Variants in STXBP3 observed in about 807,000 individuals in gnomAD.
STXBP3 encodes the protein syntaxin binding protein 3, also known as syntaxin-binding protein 3.
In STXBP3, 41 loss-of-function variants were observed where a neutral mutation model predicts 85.7. The observed-to-expected ratio is 0.48, with a 90% CI of 0.37 to 0.62. The LOEUF (loss-of-function observed/expected upper bound fraction) is 0.62. Ranked by LOEUF, STXBP3 falls within the 20% of genes least tolerant of loss-of-function variation. STXBP3 has a pLI of 0.00. For synonymous variants in STXBP3, 229 were observed against 231.7 expected (o/e 0.99, Z 0.10); for missense variants, 563 against 703.1 (o/e 0.80, Z 2.25).
chr1:108,806,826 A>G (rs532525521), intron 17 of STXBP3, among the ~76,000 whole-genome samples: 44 of 151,748 alleles, frequency 2.9e-4, no homozygotes, highest in African/African-American at 1.0e-3. Flanking sequence ...ATAATAAGGG[A>G]GGTTGTTAGC....
At chr1:108,786,520 C>A (rs1261163447) in intron 11 of STXBP3, among the ~76,000 whole-genome samples, 4 of 152,176 alleles carry the variant, frequency 2.6e-5, no homozygotes, top group African/African-American at 9.7e-5. Context: ...TATCTGATTA[C>A]TCAAGCACTG....
At chr1:108,791,362 G>A (rs1662970832) in intron 11 of STXBP3, among the ~76,000 whole-genome samples, 1 of 152,072 alleles carries the variant, frequency 6.6e-6, no homozygotes, top group African/African-American at 2.4e-5. Context: ...GGTTTGCTGA[G>A]CTTCTTGAGT....
intron 11 of STXBP3, among the ~76,000 whole-genome samples, chr1:108,789,636 T>TCC (rs1662934837): frequency 6.6e-6 from 1 of 152,266 alleles, no homozygotes; most frequent in Non-Finnish European, 1.5e-5. Flanking sequence ...CCATGTGTTA[T>TCC]ATAGGGAATA....
intron 6 of STXBP3, among the ~76,000 whole-genome samples, chr1:108,761,704 G>A (rs1296709882): frequency 1.3e-5 from 2 of 152,102 alleles, no homozygotes; most frequent in Non-Finnish European, 2.9e-5. Context: ...TGGGCACAGT[G>A]GCTTACCCCT....
intron 12 of STXBP3, 139 bp from the exon 13 acceptor site, chr1:108,794,688 G>T: frequency 1.5e-6 from 1 of 656,644 alleles, no homozygotes. Context: ...TTCCTTTCTT[G>T]AGCTGTTCCC....
At chr1:108,757,703 G>A (rs1457485258) in intron 4 of STXBP3, among the ~76,000 whole-genome samples, 1 of 151,746 alleles carries the variant, frequency 6.6e-6, no homozygotes. Context: ...CAGCCTTTTT[G>A]GAAAATAGTT....
At chr1:108,767,944 C>T (rs370059137) in intron 6 of STXBP3, among the ~76,000 whole-genome samples, 4 of 152,044 alleles carry the variant, frequency 2.6e-5, no homozygotes, top group African/African-American at 4.8e-5. Flanking sequence ...GAATAATTTT[C>T]GTTTTTATCT....
At chr1:108,751,591 A>C (rs1661908024) in intron 1 of STXBP3, among the ~76,000 whole-genome samples, 1 of 152,116 alleles carries the variant, frequency 6.6e-6, no homozygotes, top group Non-Finnish European at 1.5e-5. Flanking sequence ...TTTTAAAATC[A>C]ATTGAACATT....
chr1:108,753,960 A>G (rs1661964612), intron 3 of STXBP3, among the ~76,000 whole-genome samples: 1 of 152,124 alleles, frequency 6.6e-6, no homozygotes, highest in African/African-American at 2.4e-5. Flanking sequence ...ATGAAGTTCA[A>G]AAGTATACCC....
chr1:108,753,416 T>A (rs928545850), intron 3 of STXBP3, among the ~76,000 whole-genome samples: 4 of 151,830 alleles, frequency 2.6e-5, no homozygotes, highest in African/African-American at 7.3e-5. Flanking sequence ...TATATATATA[T>A]AAAACAATTT....
intron 5 of STXBP3, chr1:108,759,115 GAC>G (rs1196344760): frequency 6.6e-6 from 1 of 152,064 alleles, no homozygotes; most frequent in Admixed American, 6.6e-5. Context: ...GAAGTCCAAA[GAC>G]ACATACAATT....
At chr1:108,806,791 C>A (rs1414386140) in intron 17 of STXBP3, among the ~76,000 whole-genome samples, 2 of 151,998 alleles carry the variant, frequency 1.3e-5, no homozygotes, top group Admixed American at 1.3e-4. Context: ...GCAGACTTCT[C>A]AGGTATATTA....
intron 6 of STXBP3, among the ~76,000 whole-genome samples, chr1:108,766,534 T>C (rs1662266606): frequency 6.6e-6 from 1 of 152,102 alleles, no homozygotes. Flanking sequence ...ACTAAAAGAT[T>C]AATAAAAGAA....
At chr1:108,803,813 C>T (rs1406202565) in intron 17 of STXBP3, among the ~76,000 whole-genome samples, 2 of 152,112 alleles carry the variant, frequency 1.3e-5, no homozygotes, top group African/African-American at 4.8e-5. Context: ...CAGTTTTATC[C>T]GTTTCTTCAT....
intron 8 of STXBP3, 126 bp downstream of exon 8, chr1:108,776,549 G>GT: frequency 1.7e-6 from 1 of 578,714 alleles, no homozygotes; most frequent in Non-Finnish European, 2.9e-6. Flanking sequence ...CTCCAATACT[G>GT]ATTTGAGAAT....
At chr1:108,797,838 C>G (rs1663141951) in intron 15 of STXBP3, among the ~76,000 whole-genome samples, 1 of 151,916 alleles carries the variant, frequency 6.6e-6, no homozygotes, top group South Asian at 2.1e-4. Flanking sequence ...TGGGTTTATG[C>G]CATTCTCCTG....
intron 4 of STXBP3, 121 bp from the exon 5 acceptor site, chr1:108,758,389 A>G: frequency 2.2e-6 from 1 of 454,142 alleles, no homozygotes; most frequent in East Asian, 3.7e-5. Context: ...TTATAAATTA[A>G]ACTTTTAGCC....
chr1:108,784,720 TC>T (rs147976511), intron 11 of STXBP3, among the ~76,000 whole-genome samples: 57,652 of 151,988 alleles, frequency 0.38, 11,352 homozygotes, highest in Middle Eastern at 0.48. Context: ...ATAAGGCAAG[TC>T]CCTTCTGCCT....
intron 11 of STXBP3, among the ~76,000 whole-genome samples, chr1:108,784,278 C>A (rs1662782151): frequency 6.6e-6 from 1 of 152,096 alleles, no homozygotes; most frequent in African/African-American, 2.4e-5. Context: ...ATAGCTGAGA[C>A]TGGGTAATTT....
Sources: gnomAD v4.1 joint callset for allele counts (sites outside exome capture counted in the v4.1 genomes callset) on GRCh38, gnomAD v4.1.1 for gene constraint, MANE v1.5 for transcripts, NCBI Gene and HGNC (gene_info 2026-07-23, HGNC 2026-07-21) for gene names.